MATN2: variants seen among roughly 807,000 people sequenced by gnomAD.
MATN2 encodes the protein matrilin-2.
Under a neutral mutation model 103.2 loss-of-function variants are expected in MATN2, and 69 were observed. The ratio of observed to expected loss-of-function variants is 0.67; its 90% CI spans 0.55 to 0.82. The LOEUF (loss-of-function observed/expected upper bound fraction) is 0.82. Ranked by LOEUF, MATN2 falls within the 40% of genes least tolerant of loss-of-function variation. The pLI, the probability that MATN2 is intolerant of heterozygous loss-of-function variation, is 0.00. For synonymous variants in MATN2, 429 were observed against 450.2 expected (o/e 0.95, Z 0.60); for missense variants, 1,023 against 1,211.5 (o/e 0.84, Z 2.31).
intron 4 of MATN2, among the ~76,000 whole-genome samples, chr8:97,943,274 A>G (rs1186458808): frequency 2.0e-5 from 3 of 150,474 alleles, no homozygotes; most frequent in East Asian, 2.0e-4. Flanking sequence ...CCTCCCCACA[A>G]CCATCCTCTG....
intron 1 of MATN2, among the ~76,000 whole-genome samples, chr8:97,886,503 G>A (rs769045396): frequency 3.3e-5 from 5 of 152,172 alleles, no homozygotes; most frequent in South Asian, 2.1e-4. Context: ...CACTTAATAC[G>A]TTGAAGGCAC....
intron 4 of MATN2, among the ~76,000 whole-genome samples, chr8:97,947,479 CAA>C (rs1048453873): frequency 5.9e-5 from 9 of 151,928 alleles, no homozygotes; most frequent in African/African-American, 2.2e-4. Context: ...ACACTGGCAA[CAA>C]AAGTCAGAAA....
At chr8:97,896,144 T>A (rs1818799338) in intron 2 of MATN2, among the ~76,000 whole-genome samples, 1 of 152,212 alleles carries the variant, frequency 6.6e-6, no homozygotes, top group African/African-American at 2.4e-5. Context: ...CAGTGTGTAT[T>A]GAACAAGTAA....
At chr8:98,024,771 C>G (rs1813728252) in intron 13 of MATN2, 1 of 152,226 alleles carries the variant, frequency 6.6e-6, no homozygotes, top group East Asian at 1.9e-4. Flanking sequence ...AAGCAAGTCA[C>G]AGCTCCATTC....
At chr8:97,895,610 C>T (rs1368834734) in intron 2 of MATN2, among the ~76,000 whole-genome samples, 2 of 152,168 alleles carry the variant, frequency 1.3e-5, no homozygotes, top group Non-Finnish European at 2.9e-5. Context: ...GAGGGATTCA[C>T]ATTTTAGCTA....
intron 1 of MATN2, among the ~76,000 whole-genome samples, chr8:97,870,159 A>G (rs1387651245): frequency 6.6e-6 from 1 of 152,122 alleles, no homozygotes; most frequent in African/African-American, 2.4e-5. Context: ...GAAGGTACCC[A>G]AGTATGCCTC....
intron 1 of MATN2, among the ~76,000 whole-genome samples, chr8:97,872,358 T>C (rs1817923233): frequency 6.6e-6 from 1 of 152,248 alleles, no homozygotes; most frequent in South Asian, 2.1e-4. Flanking sequence ...GAGGAACCTT[T>C]ATCTACTTAT....
chr8:97,884,661 C>T (rs1461185089), intron 1 of MATN2, among the ~76,000 whole-genome samples: 1 of 152,048 alleles, frequency 6.6e-6, no homozygotes, highest in African/African-American at 2.4e-5. Context: ...GTCCCAGCTA[C>T]TGGGGCGGCT....
At chr8:97,930,447 G>C (rs1810138880) in intron 2 of MATN2, 2 of 153,026 alleles carry the variant, frequency 1.3e-5, no homozygotes, top group Admixed American at 1.3e-4. Context: ...AAAAAGGATT[G>C]CTATCTGATT....
At chr8:97,918,348 T>C (rs935368310) in intron 2 of MATN2, among the ~76,000 whole-genome samples, 1 of 152,174 alleles carries the variant, frequency 6.6e-6, no homozygotes, top group Non-Finnish European at 1.5e-5. Flanking sequence ...TGTGGTGCCT[T>C]CAGTACAGTG....
At chr8:98,024,505 AAACAACAAC>A (rs35489233) in intron 13 of MATN2, among the ~76,000 whole-genome samples, 1 of 151,654 alleles carries the variant, frequency 6.6e-6, no homozygotes, top group Admixed American at 6.6e-5. Flanking sequence ...ATGCCATCTC[AAACAACAAC>A]AACAACAACA....
chr8:97,963,743 G>A (rs959839386), intron 5 of MATN2, among the ~76,000 whole-genome samples: 1 of 152,108 alleles, frequency 6.6e-6, no homozygotes, highest in African/African-American at 2.4e-5. Context: ...TGCAACCCAG[G>A]TCTCCTCCGT....
intron 2 of MATN2, among the ~76,000 whole-genome samples, chr8:97,899,009 G>A (rs1294540707): frequency 3.3e-5 from 5 of 151,974 alleles, no homozygotes; most frequent in Non-Finnish European, 5.9e-5. Context: ...TCCTGCTGTG[G>A]CCTCCCAAAG....
intron 3 of MATN2, among the ~76,000 whole-genome samples, chr8:97,940,561 C>T (rs560314004): frequency 1.2e-4 from 19 of 152,156 alleles, no homozygotes; most frequent in African/African-American, 4.6e-4. Context: ...GAGACATAAA[C>T]TTCAGATGGA....
In MATN2 at chr8:97,971,895, AT is replaced by A. The variant is rs1306162582; in HGVS notation, c.959-6989del. ...TTAAATTATAAAGTCATTTTTGCTT[AT>A]TAAAAAAAAAAAAGTCAGGCCAGGC... is the stretch of plus-strand genomic sequence containing the variant. On this transcript the variant is annotated intron_variant, in intron 5 of 18. Coordinates refer to ENST00000254898, the MANE Select transcript of MATN2 (RefSeq NM_002380.5). 5.1e-5 allele frequency among the ~76,000 whole-genome samples: 5 copies of A among 98,464 alleles called. No individual in the cohort carries two copies. The East Asian group carries it at 9.6e-4, about 19-fold the overall frequency. 64.6% of individuals were successfully genotyped at this position (98,464 alleles called of 152,430 possible).
chr8:98,000,123 C>A (rs1228249301), intron 7 of MATN2, among the ~76,000 whole-genome samples: 1 of 151,478 alleles, frequency 6.6e-6, no homozygotes, highest in African/African-American at 2.4e-5. Flanking sequence ...TCAAGTGATC[C>A]ATCCGCCTCA....
At chr8:97,988,038 G>T (rs1412266440) in intron 6 of MATN2, among the ~76,000 whole-genome samples, 1 of 149,858 alleles carries the variant, frequency 6.7e-6, no homozygotes, top group Non-Finnish European at 1.5e-5. Context: ...CATAATACAG[G>T]CCAAGCATGG....
At chr8:98,012,175 C>T (rs1419698650) in intron 10 of MATN2, among the ~76,000 whole-genome samples, 1 of 152,124 alleles carries the variant, frequency 6.6e-6, no homozygotes, top group Non-Finnish European at 1.5e-5. Context: ...TTCCTTTACC[C>T]TCGTTCTCTA....
At chr8:98,002,617 C>A (rs951939545) in intron 7 of MATN2, among the ~76,000 whole-genome samples, 1 of 152,090 alleles carries the variant, frequency 6.6e-6, no homozygotes, top group Non-Finnish European at 1.5e-5. Context: ...CAGCTCTCAG[C>A]TCTTTGGCCA....
Sources: gnomAD v4.1 joint callset for allele counts (sites outside exome capture counted in the v4.1 genomes callset) on GRCh38, gnomAD v4.1.1 for gene constraint, MANE v1.5 for transcripts, NCBI Gene and HGNC (gene_info 2026-07-23, HGNC 2026-07-21) for gene names.